The following TENM1 variants were observed in gnomAD, a reference collection of about 807,000 sequenced individuals.
The protein encoded by TENM1 is teneurin-1.
TENM1 carries 35 observed loss-of-function variants against 174.8 expected under a neutral mutation model. The ratio of observed to expected loss-of-function variants is 0.20; its 90% confidence interval spans 0.15 to 0.27. TENM1 has a LOEUF of 0.27. TENM1 is among the 10% of genes least tolerant of loss of function. The pLI is 1.00. For missense variants in TENM1, 1,633 were observed against 2,130.1 expected (o/e 0.77, Z 4.59); for synonymous variants, 781 against 798.7 (o/e 0.98, Z 0.37).
exon 18 of TENM1, chrX:124,520,617 T>C: frequency 8.3e-7 from 1 of 1,210,851 alleles, no homozygotes; most frequent in Non-Finnish European, 1.1e-6. Flanking sequence ...ACCACTTCTG[T>C]GTGAGTCGCC....
chrX:124,929,268 T>C (rs1342819295), intron 1 of TENM1, among the ~76,000 whole-genome samples: 1 of 112,136 alleles, frequency 8.9e-6, no homozygotes, highest in Non-Finnish European at 1.9e-5. Context: ...TGATTAAATA[T>C]AGCCTTGTCA....
the TENM1 span, among the ~76,000 whole-genome samples, chrX:125,059,646 T>A: frequency 9.0e-6 from 1 of 111,435 alleles, no homozygotes; most frequent in Non-Finnish European, 1.9e-5. Context: ...TTTTTCTCTA[T>A]CTCTATATAT....
intron 1 of TENM1, among the ~76,000 whole-genome samples, chrX:124,937,399 C>G (rs183064973): frequency 3.6e-5 from 4 of 111,636 alleles, no homozygotes; most frequent in Admixed American, 2.9e-4. Flanking sequence ...GTTTCCTGCT[C>G]CAATAGTGCT....
At chrX:124,403,034 A>G (rs757600502) in intron 27 of TENM1, among the ~76,000 whole-genome samples, 1 of 111,826 alleles carries the variant, frequency 8.9e-6, no homozygotes, top group Non-Finnish European at 1.9e-5. Context: ...GATTGGTTTC[A>G]CTTCTCCATT....
Position 124,427,606 on chromosome X carries a change from G to A in TENM1, c.4105-4968C>T, listed in dbSNP as rs1425555121. On this transcript the variant is annotated intron_variant, in intron 23 of 31. Coordinates refer to ENST00000422452, the Ensembl canonical transcript of TENM1. ...ATGTGTGGCTACTTAGTAGTTGAGA[G>A]TCTGCCTTTTCAGAAGCTGGACCTC... is the stretch of plus-strand genomic sequence containing the variant. 9.8e-5 allele frequency among the ~76,000 whole-genome samples: 11 copies of A among 111,792 alleles called. 1 individual carries two copies. Among genetic ancestry groups the A allele is most frequent in the Non-Finnish European group, 1.7e-4 (9 of 53,188 alleles).
chrX:125,107,117 G>C, the TENM1 span, among the ~76,000 whole-genome samples: 1 of 111,807 alleles, frequency 8.9e-6, no homozygotes, highest in Non-Finnish European at 1.9e-5. Flanking sequence ...TTGCGTGGTT[G>C]GATATACTAA....
chrX:124,572,818 C>T (rs1287792509), intron 11 of TENM1, among the ~76,000 whole-genome samples: 2 of 110,962 alleles, frequency 1.8e-5, no homozygotes, highest in Non-Finnish European at 3.8e-5. Context: ...AGGTTCCATA[C>T]TCCTTTACAT....
At position 124,661,080 on chromosome X, in the gene TENM1, T is replaced by C. The variant is rs187475814; in HGVS notation, c.1169-7297A>G. ...AATGAAGTATTGATACATTGCTGTA[T>C]ATTATATGATTCTATATGAAATGTA... On this transcript the variant is annotated intron_variant, in intron 6 of 31. Coordinates refer to ENST00000422452, the Ensembl canonical transcript of TENM1. Among the ~76,000 whole-genome samples, 521 of 111,925 alleles carry C rather than the reference T, an allele frequency of 4.7e-3. 2 individuals are homozygous for C. The highest frequency in any genetic ancestry group is 0.016 in the African/African-American group (503 of 30,813).
intron 3 of TENM1, among the ~76,000 whole-genome samples, chrX:124,762,964 C>A (rs1382060662): frequency 4.5e-5 from 5 of 111,219 alleles, no homozygotes; most frequent in Non-Finnish European, 9.4e-5. Context: ...TAACCTCATT[C>A]CAAAGATTAC....
intron 15 of TENM1, among the ~76,000 whole-genome samples, chrX:124,535,626 C>T (rs1265547815): frequency 8.9e-6 from 1 of 111,893 alleles, no homozygotes; most frequent in African/African-American, 3.2e-5. Flanking sequence ...AATGCTCATA[C>T]TTGTGTTATT....
the TENM1 span, among the ~76,000 whole-genome samples, chrX:125,185,426 C>G: frequency 7.1e-5 from 8 of 112,093 alleles, no homozygotes; most frequent in African/African-American, 2.3e-4. Context: ...AGACAGCCTG[C>G]ATATTTGTTT....
chrX:124,785,171 G>A (rs2055006495), intron 3 of TENM1, among the ~76,000 whole-genome samples: 1 of 111,713 alleles, frequency 9.0e-6, no homozygotes, highest in African/African-American at 3.2e-5. Context: ...ATTAGTTGTA[G>A]AAGGAGCCCA....
chrX:124,460,280 T>C (rs1353510462), intron 22 of TENM1, among the ~76,000 whole-genome samples: 1 of 111,747 alleles, frequency 8.9e-6, no homozygotes, highest in Admixed American at 9.5e-5. Flanking sequence ...CATGCACGTG[T>C]ATGTTCATTG....
intron 18 of TENM1, among the ~76,000 whole-genome samples, chrX:124,513,374 C>A (rs760735943): frequency 1.8e-4 from 20 of 111,673 alleles, no homozygotes; most frequent in Admixed American, 1.7e-3. Context: ...TTATAAGGAC[C>A]CTTATGACAA....
At chrX:124,641,951 A>G (rs1417673301) in exon 11 of TENM1, 2 of 1,211,690 alleles carry the variant, frequency 1.7e-6, no homozygotes, top group East Asian at 3.0e-5. Flanking sequence ...CTCCTTTTAC[A>G]CAGATGCCAT....
chrX:124,629,163 T>C (rs942167618), intron 11 of TENM1, among the ~76,000 whole-genome samples: 1 of 112,493 alleles, frequency 8.9e-6, no homozygotes, highest in Non-Finnish European at 1.9e-5. Flanking sequence ...ACTATAATCT[T>C]AGTTGACACA....
chrX:124,552,566 T>A, intron 14 of TENM1, among the ~76,000 whole-genome samples: 1 of 112,040 alleles, frequency 8.9e-6, no homozygotes. Flanking sequence ...ACGTTGTTTG[T>A]ATGCCACTAA....
chrX:124,804,728 C>T (rs982581301), intron 3 of TENM1, among the ~76,000 whole-genome samples: 1 of 111,240 alleles, frequency 9.0e-6, no homozygotes, highest in African/African-American at 3.3e-5. Flanking sequence ...GTTTGTTTTC[C>T]TAGAATTATA....
the TENM1 span, among the ~76,000 whole-genome samples, chrX:124,995,135 G>T: frequency 4.5e-5 from 5 of 110,471 alleles, no homozygotes; most frequent in Admixed American, 1.9e-4. Flanking sequence ...CTCCTCCTTT[G>T]CTTAGTTTAC....
Sources: allele counts gnomAD v4.1 joint callset (sites outside exome capture counted in the v4.1 genomes callset), GRCh38; gene constraint gnomAD v4.1.1; transcripts MANE v1.5; gene names NCBI Gene and HGNC (gene_info 2026-07-23, HGNC 2026-07-21).